Variants in DLG2 observed in about 807,000 individuals in gnomAD.
DLG2 encodes disks large homolog 2.
In DLG2, 45 loss-of-function variants were observed where a neutral mutation model predicts 132.5. That is an observed-to-expected ratio of 0.34 (90% CI 0.27 to 0.44). The LOEUF (loss-of-function observed/expected upper bound fraction) is 0.44, where lower values mean the gene tolerates loss of function less well. DLG2 is among the 20% of genes least tolerant of loss of function. The probability of loss-of-function intolerance (pLI) is 1.00; values close to 1 mark genes in which losing one functional copy is unlikely to be tolerated. For missense variants in DLG2, 1,045 were observed against 1,196.9 expected (o/e 0.87, Z 1.87); for synonymous variants, 424 against 419.6 (o/e 1.01, Z -0.13).
chr11:83,848,897 G>T (rs562251787), intron 16 of DLG2, among the ~76,000 whole-genome samples: 17 of 152,246 alleles, frequency 1.1e-4, no homozygotes, highest in Admixed American at 5.2e-4. Context: ...AATTCCACAG[G>T]CACATTTAGC....
intron 18 of DLG2, among the ~76,000 whole-genome samples, chr11:83,754,650 T>G (rs1284368473): frequency 6.6e-6 from 1 of 151,272 alleles, no homozygotes; most frequent in Non-Finnish European, 1.5e-5. Flanking sequence ...TGATTAGAGA[T>G]TCAGGAGGAC....
intron 20 of DLG2, among the ~76,000 whole-genome samples, chr11:83,538,475 A>T (rs1045940469): frequency 6.6e-6 from 1 of 152,052 alleles, no homozygotes; most frequent in Admixed American, 6.6e-5. Context: ...GAATTATCTG[A>T]CTTTCTATTT....
chr11:84,867,792 G>C (rs2084814119), intron 6 of DLG2, among the ~76,000 whole-genome samples: 1 of 152,094 alleles, frequency 6.6e-6, no homozygotes, highest in South Asian at 2.1e-4. Flanking sequence ...AATAATTATG[G>C]GGCCGGACGT....
intron 3 of DLG2, among the ~76,000 whole-genome samples, chr11:85,594,544 A>G (rs2079593597): frequency 6.6e-6 from 1 of 152,214 alleles, no homozygotes; most frequent in African/African-American, 2.4e-5. Context: ...ATATGATTTT[A>G]GAAGGGGTTG....
chr11:84,245,594 C>G (rs964519548), intron 8 of DLG2, among the ~76,000 whole-genome samples: 3 of 152,142 alleles, frequency 2.0e-5, no homozygotes, highest in African/African-American at 7.2e-5. Flanking sequence ...AAAATTTCAG[C>G]AACAAAGTGT....
rs577987644 is a variant in DLG2, at chr11:85,448,126, G to C, written c.40+150531C>G. Among the ~76,000 whole-genome samples the C allele has an allele frequency of 2.0e-5, 3 of 152,198 alleles. No homozygotes were observed. The South Asian group carries it at 6.2e-4, about 32-fold the overall frequency. ...CTCAAATGAAATAATCCAAATTAAA[G>C]CGATTTTTATACTTGAAAGTACCTT... On this transcript the variant is annotated intron_variant, in intron 3 of 27. Transcript: ENST00000376104.
At chr11:84,235,571 C>A (rs2154339113) in intron 8 of DLG2, among the ~76,000 whole-genome samples, 1 of 152,174 alleles carries the variant, frequency 6.6e-6, no homozygotes, top group East Asian at 1.9e-4. Flanking sequence ...CCCAGGTTGA[C>A]TTTAAACTTT....
At chr11:85,418,786 A>G (rs1234622038) in intron 3 of DLG2, among the ~76,000 whole-genome samples, 1 of 152,176 alleles carries the variant, frequency 6.6e-6, no homozygotes, top group East Asian at 1.9e-4. Context: ...TTTGCCTAGT[A>G]AATATCCTTC....
chr11:84,700,202 A>G (rs1026039220), intron 6 of DLG2, among the ~76,000 whole-genome samples: 3 of 151,664 alleles, frequency 2.0e-5, no homozygotes, highest in African/African-American at 7.3e-5. Flanking sequence ...GTATAAAACA[A>G]TAATATTTAT....
At chr11:85,344,555 GT>G (rs2082703925) in intron 3 of DLG2, among the ~76,000 whole-genome samples, 2 of 152,102 alleles carry the variant, frequency 1.3e-5, no homozygotes, top group African/African-American at 4.8e-5. Flanking sequence ...CTTTTATTCA[GT>G]AAAAACTGTT....
chr11:84,769,758 CTT>C (rs2068975290), intron 6 of DLG2, among the ~76,000 whole-genome samples: 1 of 152,132 alleles, frequency 6.6e-6, no homozygotes. Flanking sequence ...ACAAAGGAAA[CTT>C]AATCAGGCTA....
intron 18 of DLG2, among the ~76,000 whole-genome samples, chr11:83,760,503 T>C (rs1032434384): frequency 1.3e-5 from 2 of 151,638 alleles, no homozygotes; most frequent in Non-Finnish European, 2.9e-5. Flanking sequence ...TACAGGTGCC[T>C]GCCACCACGC....
At chr11:84,539,444 A>T (rs2099362800) in intron 6 of DLG2, among the ~76,000 whole-genome samples, 1 of 152,162 alleles carries the variant, frequency 6.6e-6, no homozygotes, top group Non-Finnish European at 1.5e-5. Context: ...TACTAATGTC[A>T]TTCTGGGCAC....
intron 6 of DLG2, among the ~76,000 whole-genome samples, chr11:84,780,232 T>G (rs2071473929): frequency 1.3e-5 from 2 of 151,924 alleles, no homozygotes; most frequent in South Asian, 4.1e-4. Flanking sequence ...GGCTCAATAT[T>G]CTCAAATTAA....
At chr11:84,039,399 G>A (rs930618327) in intron 11 of DLG2, among the ~76,000 whole-genome samples, 3 of 124,300 alleles carry the variant, frequency 2.4e-5, no homozygotes, top group African/African-American at 9.4e-5. Context: ...TCCCCAGAGT[G>A]TGATATTCCC....
chr11:84,799,574 G>C lies in DLG2; in HGVS notation c.358-264843C>G, dbSNP rs1309694836. On this transcript the variant is annotated intron_variant, in intron 6 of 27. Coordinates refer to ENST00000376104, the MANE Select transcript of DLG2 (RefSeq NM_001142699.3). ...GGTGTTCCTCTTACGAGGACAATCAGTGGAGGCTTCTTTTCTGCTGTCTTT... is the reference window on the plus strand; with the variant it reads ...GGTGTTCCTCTTACGAGGACAATCACTGGAGGCTTCTTTTCTGCTGTCTTT... 2.6e-5 allele frequency among the ~76,000 whole-genome samples: 4 copies of C among 152,224 alleles called. No individual in the cohort carries two copies. The East Asian group carries it at 7.7e-4, about 29-fold the overall frequency.
intron 7 of DLG2, among the ~76,000 whole-genome samples, chr11:84,251,992 G>C (rs764031375): frequency 2.0e-5 from 3 of 151,750 alleles, no homozygotes; most frequent in Non-Finnish European, 4.4e-5. Context: ...TCTCTCTCAA[G>C]GAAGCAAAAT....
At chr11:85,525,050 T>C (rs1254897101) in intron 3 of DLG2, 5 of 152,172 alleles carry the variant, frequency 3.3e-5, no homozygotes, top group Admixed American at 6.6e-5. Context: ...GAAAAAAACA[T>C]GTAAAATTAT....
chr11:85,478,757 C>T (rs1392896196), intron 3 of DLG2, among the ~76,000 whole-genome samples: 1 of 152,142 alleles, frequency 6.6e-6, no homozygotes, highest in East Asian at 1.9e-4. Context: ...GGAATTATCT[C>T]CTGTAGCATT....
Sources: gnomAD v4.1 joint callset for allele counts (sites outside exome capture counted in the v4.1 genomes callset) on GRCh38, gnomAD v4.1.1 for gene constraint, MANE v1.5 for transcripts, NCBI Gene and HGNC (gene_info 2026-07-23, HGNC 2026-07-21) for gene names.